Variants in SNX30 observed in about 807,000 individuals in gnomAD.
SNX30 encodes the protein sorting nexin-30.
A neutral mutation model predicts 46.4 loss-of-function variants in SNX30; 24 were observed. That is an observed-to-expected ratio of 0.52 (90% CI 0.37 to 0.73). The LOEUF is 0.73. Ranked by LOEUF, SNX30 falls within the 30% of genes least tolerant of loss-of-function variation. The pLI, the probability that SNX30 is intolerant of heterozygous loss-of-function variation, is 0.00. For synonymous variants in SNX30, 189 were observed against 211.5 expected, an observed-to-expected ratio of 0.89 and a Z score of 0.92; for missense variants, 533 against 555.7, an observed-to-expected ratio of 0.96 and a Z score of 0.41.
intron 1 of SNX30, among the ~76,000 whole-genome samples, chr9:112,775,632 T>G (rs543668826): frequency 6.7e-6 from 1 of 148,412 alleles, no homozygotes; most frequent in Non-Finnish European, 1.5e-5. Flanking sequence ...TTACAAAAAT[T>G]TGGTGAAAAA....
chr9:112,853,070 A>C (rs1341542362), intron 7 of SNX30, among the ~76,000 whole-genome samples: 1 of 152,180 alleles, frequency 6.6e-6, no homozygotes, highest in East Asian at 1.9e-4. Context: ...AATGAGGCAC[A>C]AAGGAGCTGG....
intron 1 of SNX30, among the ~76,000 whole-genome samples, chr9:112,793,020 T>A (rs1406614660): frequency 6.6e-6 from 1 of 152,154 alleles, no homozygotes; most frequent in African/African-American, 2.4e-5. Context: ...TTGGTTTTCT[T>A]AGGTCTGAGT....
At chr9:112,795,017 C>T (rs569120944) in intron 1 of SNX30, among the ~76,000 whole-genome samples, 30 of 152,230 alleles carry the variant, frequency 2.0e-4, no homozygotes, top group African/African-American at 7.0e-4. Flanking sequence ...TCTGGATATC[C>T]TTTGTTATAA....
At chr9:112,751,223 G>C (rs1242462863) in intron 1 of SNX30, 66 bp downstream of exon 1, 1 of 1,326,620 alleles carries the variant, frequency 7.5e-7, no homozygotes, top group Non-Finnish European at 9.7e-7. Context: ...TGATGGATCC[G>C]GAGCCTTCGT....
downstream of SNX30, chr9:112,875,234 A>T (rs1182685447): frequency 3.3e-5 from 5 of 152,218 alleles, no homozygotes; most frequent in South Asian, 1.0e-3. Context: ...GGGGAGATGA[A>T]GAAACTTCCT....
chr9:112,771,883 A>G (rs187440039), intron 1 of SNX30, among the ~76,000 whole-genome samples: 1 of 152,322 alleles, frequency 6.6e-6, no homozygotes, highest in African/African-American at 2.4e-5. Flanking sequence ...AATATGGGTG[A>G]ATGTTGGCTT....
rs1241747312 is a variant in SNX30 at position 112,760,659 on chromosome 9, T to G, written c.156+9502T>G. ...CCGACTGTGCCAGCTGTGCCTGAAG[T>G]TAGAACGGGTTCCTGGTTATAGGGG... On this transcript the variant is annotated intron_variant, in intron 1 of 8. Transcript: ENST00000374232. Among the ~76,000 whole-genome samples, 3 of 152,206 alleles carry G rather than the reference T, an allele frequency of 2.0e-5. No homozygotes were observed. In the East Asian group the frequency reaches 5.8e-4, roughly 29 times the overall value.
At chr9:112,791,398 A>ATTTTT (rs1564270543) in intron 1 of SNX30, among the ~76,000 whole-genome samples, 5 of 39,888 alleles carry the variant, frequency 1.3e-4, no homozygotes, top group Admixed American at 6.1e-4. Context: ...ATATTTAGGA[A>ATTTTT]CTTTTTTTTT....
chr9:112,861,623 G>GA (rs1841233998), intron 7 of SNX30, among the ~76,000 whole-genome samples: 1 of 152,308 alleles, frequency 6.6e-6, no homozygotes, highest in East Asian at 1.9e-4. Flanking sequence ...AGGACTTTGG[G>GA]ACGAGCCTCA....
intron 1 of SNX30, among the ~76,000 whole-genome samples, chr9:112,791,557 G>T (rs982100691): frequency 1.3e-5 from 2 of 151,734 alleles, no homozygotes; most frequent in African/African-American, 4.8e-5. Flanking sequence ...GACTACAGGT[G>T]TGTGCCACCA....
rs140954512 is a variant in SNX30 at position 112,840,725 on chromosome 9, C to T, written c.1014+2028C>T. 4.9e-3 allele frequency among the ~76,000 whole-genome samples: 741 copies of T among 151,908 alleles called. 6 individuals carry two copies. Among genetic ancestry groups the T allele is most frequent in the African/African-American group, 0.017 (696 of 41,430 alleles). On this transcript the variant is annotated intron_variant, in intron 6 of 8. Transcript: ENST00000374232. ...TGATCTCCTGACCTTATGATCCATC[C>T]GCCTCGGCCTCCCAAAGTGCTGGGA...
At chr9:112,847,128 T>C (rs867579861) in intron 6 of SNX30, among the ~76,000 whole-genome samples, 2 of 152,372 alleles carry the variant, frequency 1.3e-5, no homozygotes, top group Middle Eastern at 3.4e-3. Context: ...TCTTAATGAC[T>C]GTTATTAATT....
chr9:112,874,670 T>G lies in SNX30; in HGVS notation c.*5827T>G, dbSNP rs954568411. The G allele has an allele frequency of 3.9e-5, 6 of 152,196 alleles. No individual in the cohort carries two copies. The highest frequency in any genetic ancestry group is 5.9e-5 in the Non-Finnish European group (4 of 68,034). 9.4% of individuals were successfully genotyped at this position (152,196 alleles called of 1,614,324 possible). A position where few individuals can be genotyped will look rare whatever the true frequency, so the allele number is the denominator to read the frequency against. On this transcript the variant is annotated 3_prime_UTR_variant, in exon 9 of 9. Transcript: ENST00000374232. ...GATAAGAAAGTGATTTATTTACAGATGGAAGTCTTTGTTTCATGAAGCTAC... is the reference window on the plus strand; with the variant it reads ...GATAAGAAAGTGATTTATTTACAGAGGGAAGTCTTTGTTTCATGAAGCTAC...
At chr9:112,864,936 C>T (rs945428465) in intron 8 of SNX30, among the ~76,000 whole-genome samples, 22 of 152,078 alleles carry the variant, frequency 1.4e-4, no homozygotes, top group African/African-American at 2.2e-4. Context: ...CTATTAAAAA[C>T]TTTTACTCAT....
At chr9:112,852,403 C>T (rs1841043123) in intron 7 of SNX30, among the ~76,000 whole-genome samples, 1 of 152,126 alleles carries the variant, frequency 6.6e-6, no homozygotes, top group Non-Finnish European at 1.5e-5. Flanking sequence ...GGCTGTGCAT[C>T]AGTTATATGT....
At chr9:112,792,281 A>C (rs1840039017) in intron 1 of SNX30, among the ~76,000 whole-genome samples, 1 of 152,196 alleles carries the variant, frequency 6.6e-6, no homozygotes, top group South Asian at 2.1e-4. Context: ...CCTTGATCAC[A>C]TAATTTTTCC....
In SNX30 at chr9:112,865,651, ATATATATATATG is replaced by A. The variant is rs1320781876; in HGVS notation, c.1254+1256_1254+1267del. ...TATATATATATATATATATATATAT[ATATATATATATG>A]TATGTATGTATGCACACACACACAC... On this transcript the variant is annotated intron_variant, in intron 8 of 8. Coordinates refer to ENST00000374232, the MANE Select transcript of SNX30 (RefSeq NM_001012994.2). 3.0e-4 allele frequency among the ~76,000 whole-genome samples: 26 copies of A among 86,132 alleles called. 1 individual carries two copies. The highest frequency in any genetic ancestry group is 1.3e-3 in the Admixed American group (12 of 8,976). 56.5% of individuals were successfully genotyped at this position (86,132 alleles called of 152,430 possible). A position where few individuals can be genotyped will look rare whatever the true frequency, so the allele number is the denominator to read the frequency against.
intron 6 of SNX30, among the ~76,000 whole-genome samples, chr9:112,845,985 G>A (rs1029906011): frequency 5.9e-5 from 9 of 152,034 alleles, no homozygotes; most frequent in African/African-American, 2.2e-4. Flanking sequence ...TTCCAAAAGA[G>A]AAGATATCAC....
chr9:112,809,173 G>A (rs972120694), intron 2 of SNX30, among the ~76,000 whole-genome samples: 12 of 150,798 alleles, frequency 8.0e-5, no homozygotes, highest in African/African-American at 2.2e-4. Context: ...TGCGGCCTCC[G>A]CCTCCCAGGT....
Sources: allele counts gnomAD v4.1 joint callset (sites outside exome capture counted in the v4.1 genomes callset), GRCh38; gene constraint gnomAD v4.1.1; transcripts MANE v1.5; gene names NCBI Gene and HGNC (gene_info 2026-07-23, HGNC 2026-07-21).